The following TTLL1 variants were observed in gnomAD, a reference collection of about 807,000 sequenced individuals.
TTLL1 encodes TTL family tubulin polyglutamylase complex subunit L1, also known as polyglutamylase complex subunit TTLL1.
A neutral mutation model predicts 47.8 loss-of-function variants in TTLL1; 33 were observed. That is an observed-to-expected ratio of 0.69 (90% confidence interval 0.52 to 0.92). TTLL1 has a LOEUF of 0.92. Among genes scored for constraint, TTLL1 ranks in the 40% least tolerant of loss-of-function variants. The pLI is 0.00. For missense variants in TTLL1, 488 were observed against 547.5 expected, an observed-to-expected ratio of 0.89 and a Z score of 1.08; for synonymous variants, 225 against 214.1, an observed-to-expected ratio of 1.05 and a Z score of -0.45.
At chr22:43,042,501 C>T (rs927941008) in intron 10 of TTLL1, among the ~76,000 whole-genome samples, 7 of 152,210 alleles carry the variant, frequency 4.6e-5, no homozygotes, top group African/African-American at 1.2e-4. Context: ...TCAGCAACTT[C>T]GGAACAGGGT....
At chr22:43,065,144 C>CA (rs1025888582) in intron 5 of TTLL1, among the ~76,000 whole-genome samples, 4 of 151,916 alleles carry the variant, frequency 2.6e-5, no homozygotes, top group African/African-American at 9.7e-5. Flanking sequence ...GACTCCATCT[C>CA]AAAAAATAAA....
intron 8 of TTLL1, 139 bp from the exon 9 acceptor site, chr22:43,052,026 C>T: frequency 1.1e-5 from 8 of 715,918 alleles, no homozygotes; most frequent in South Asian, 9.4e-5. Flanking sequence ...CAAACGCTTC[C>T]TTCCCTCCTC....
rs909662235 is a variant in TTLL1 at position 43,071,805 on chromosome 22, T to C, written c.114-1961A>G. On this transcript the variant is annotated intron_variant, in intron 3 of 10. Coordinates refer to ENST00000266254, the MANE Select transcript of TTLL1 (RefSeq NM_012263.5). Reference sequence around the variant, plus strand: ...CACTGACTGAGGTCATTCAGAAGTGTAGAGCCAGCCGATGGGATGAGCTGG... The same window carrying C: ...CACTGACTGAGGTCATTCAGAAGTGCAGAGCCAGCCGATGGGATGAGCTGG... Among the ~76,000 whole-genome samples the C allele has an allele frequency of 1.8e-4, 28 of 152,230 alleles. 1 individual carries two copies. Among genetic ancestry groups the C allele is most frequent in the East Asian group, 3.8e-4 (2 of 5,198 alleles).
intron 2 of TTLL1, among the ~76,000 whole-genome samples, chr22:43,076,479 C>T (rs551602052): frequency 4.3e-4 from 65 of 149,552 alleles, no homozygotes; most frequent in African/African-American, 1.5e-3. Flanking sequence ...AGGCCGGGCG[C>T]GGTGGCTCAC....
chr22:43,059,533 G>C lies in TTLL1; in HGVS notation c.748-6C>G. The C allele has an allele frequency of 6.2e-7, 1 of 1,611,190 alleles. No individual in the cohort carries two copies. Among genetic ancestry groups the C allele is most frequent in the Non-Finnish European group, 8.5e-7 (1 of 1,178,618 alleles). ...TGGATGTGGTTGTAGTCCTCCTGGT[G>C]ACGGGAAAGCGGGCAGGCATCCCTC... On this transcript the variant is annotated splice_region_variant and splice_polypyrimidine_tract_variant and intron_variant, in intron 7 of 10. Coordinates refer to ENST00000266254, the MANE Select transcript of TTLL1 (RefSeq NM_012263.5).
At chr22:43,077,748 C>T (rs1435512828) in intron 2 of TTLL1, among the ~76,000 whole-genome samples, 1 of 152,180 alleles carries the variant, frequency 6.6e-6, no homozygotes, top group African/African-American at 2.4e-5. Flanking sequence ...CAGGAGGCTG[C>T]CTCCCCACCC....
intron 3 of TTLL1, among the ~76,000 whole-genome samples, chr22:43,071,421 G>T (rs577398920): frequency 4.0e-5 from 6 of 151,410 alleles, no homozygotes; most frequent in Admixed American, 1.3e-4. Flanking sequence ...TTGTTTATTT[G>T]TTTTTGGAGA....
intron 7 of TTLL1, 48 bp from the exon 8 acceptor site, chr22:43,059,575 A>G (rs1456331907): frequency 1.9e-6 from 3 of 1,575,916 alleles, no homozygotes; most frequent in Non-Finnish European, 2.6e-6. Flanking sequence ...TGCACCCCAG[A>G]GGAACCCAGC....
chr22:43,068,334 A>T, intron 5 of TTLL1, 76 bp downstream of exon 5: 5 of 1,302,334 alleles, frequency 3.8e-6, no homozygotes, highest in Non-Finnish European at 4.0e-6. Flanking sequence ...CCAAACAAAA[A>T]CCCACAAAGA....
At chr22:43,048,088 C>G (rs538224670) in intron 9 of TTLL1, among the ~76,000 whole-genome samples, 1 of 151,976 alleles carries the variant, frequency 6.6e-6, no homozygotes. Context: ...GACGCTGAGG[C>G]GGGTGGATCA....
At chr22:43,052,152 C>A in intron 8 of TTLL1, 1 of 461,678 alleles carries the variant, frequency 2.2e-6, no homozygotes, top group South Asian at 2.1e-5. Flanking sequence ...TTGACTAGCA[C>A]CCAACCCCTC....
intron 5 of TTLL1, among the ~76,000 whole-genome samples, chr22:43,067,819 T>C (rs1288434943): frequency 1.3e-5 from 2 of 151,734 alleles, no homozygotes; most frequent in African/African-American, 4.8e-5. Flanking sequence ...CTCTTTCTTT[T>C]TTTTAGACAG....
intron 1 of TTLL1, among the ~76,000 whole-genome samples, chr22:43,085,756 G>A (rs1929190164): frequency 1.3e-5 from 2 of 152,178 alleles, no homozygotes; most frequent in Non-Finnish European, 2.9e-5. Flanking sequence ...GGGGGCCAGA[G>A]AATAAAAAGA....
intron 2 of TTLL1, among the ~76,000 whole-genome samples, chr22:43,076,973 C>T (rs1188874275): frequency 1.3e-5 from 2 of 151,344 alleles, no homozygotes; most frequent in East Asian, 3.9e-4. Flanking sequence ...CGGTGGCAGG[C>T]GCCTGTAGTC....
chr22:43,041,735 C>T (rs1175411523), intron 10 of TTLL1, among the ~76,000 whole-genome samples: 2 of 152,162 alleles, frequency 1.3e-5, no homozygotes, highest in South Asian at 2.1e-4. Flanking sequence ...AGACTGGCCT[C>T]GAACCCCTGA....
intron 3 of TTLL1, among the ~76,000 whole-genome samples, chr22:43,072,154 C>CTTTTTT (rs60673775): frequency 5.0e-5 from 7 of 138,874 alleles, no homozygotes; most frequent in Non-Finnish European, 7.8e-5. Context: ...TTTTCTTTTT[C>CTTTTTT]TTTTTTTTTT....
At chr22:43,065,688 C>T (rs9611994) in intron 5 of TTLL1, among the ~76,000 whole-genome samples, 12,141 of 152,056 alleles carry the variant, frequency 0.08, 672 homozygotes, top group Non-Finnish European at 0.12. Flanking sequence ...GTGATAGTCT[C>T]ACCTCAGCCT....
rs746695944 is a variant in TTLL1, at chr22:43,068,422, C to A, written c.491G>T (p.Ser164Ile). 2 of 1,511,234 alleles carry A rather than the reference C, an allele frequency of 1.3e-6. No homozygotes were observed. The highest frequency in any genetic ancestry group is 1.8e-5 in the Admixed American group (1 of 54,432). The allele number at this position is 1,511,234 out of a possible 1,614,324, so 93.6% of individuals were successfully genotyped here. A position where few individuals can be genotyped will look rare whatever the true frequency, so the allele number is the denominator to read the frequency against. ...TGCCCACACTTACGAAGATGTCTTG[C>A]TGTCCCGGGACCACTTTTTGATCTG... is the stretch of plus-strand genomic sequence containing the variant. ...LSQIKKWSRD[S>I]KTSSFVSQSN... Residue 164 changes from serine (S) to isoleucine (I), a missense_variant, in exon 5 of 11, where the codon AGC (serine) becomes ATC (isoleucine). By Grantham distance (142) the Ser-to-Ile change is moderately radical (BLOSUM62 -2). Coordinates refer to ENST00000266254, the MANE Select transcript of TTLL1 (RefSeq NM_012263.5).
At chr22:43,077,385 G>A (rs909661558) in intron 2 of TTLL1, among the ~76,000 whole-genome samples, 3 of 152,096 alleles carry the variant, frequency 2.0e-5, no homozygotes, top group Non-Finnish European at 4.4e-5. Context: ...AATGAATGTC[G>A]CTTGCTCCAC....
Sources: allele counts gnomAD v4.1 joint callset (sites outside exome capture counted in the v4.1 genomes callset), GRCh38; gene constraint gnomAD v4.1.1; transcripts MANE v1.5; gene names NCBI Gene and HGNC (gene_info 2026-07-23, HGNC 2026-07-21).